The following ZFP64 variants were observed in gnomAD, a reference collection of about 807,000 sequenced individuals.
ZFP64 encodes zinc finger protein 64.
Under a neutral mutation model 51.6 loss-of-function variants are expected in ZFP64, and 14 were observed. The ratio of observed to expected loss-of-function variants is 0.27; its 90% CI spans 0.18 to 0.42. The LOEUF is 0.42. Ranked by LOEUF, ZFP64 falls within the 10% of genes least tolerant of loss-of-function variation. The pLI, the probability that ZFP64 is intolerant of heterozygous loss-of-function variation, is 1.00. For missense variants in ZFP64, 754 were observed against 906.8 expected (o/e 0.83, Z 2.16); for synonymous variants, 375 against 361.4 (o/e 1.04, Z -0.43).
exon 9 of ZFP64, chr20:52,084,673 T>C (rs2078844727): frequency 6.2e-7 from 1 of 1,614,242 alleles, no homozygotes; most frequent in East Asian, 2.2e-5. Flanking sequence ...GAGTTCTTGT[T>C]CTCACTCTGA....
intron 5 of ZFP64, among the ~76,000 whole-genome samples, chr20:52,104,288 G>C (rs1056307803): frequency 3.9e-5 from 6 of 152,184 alleles, no homozygotes; most frequent in African/African-American, 1.2e-4. Context: ...TTTGGCGAGC[G>C]AGAAAAGGTC....
chr20:52,113,717 G>A (rs968061978), intron 5 of ZFP64, among the ~76,000 whole-genome samples: 4 of 151,618 alleles, frequency 2.6e-5, no homozygotes, highest in African/African-American at 9.7e-5. Flanking sequence ...GGGATTATAG[G>A]CACGAGCCAC....
chr20:52,090,548 C>G (rs532524198), intron 7 of ZFP64, among the ~76,000 whole-genome samples: 1 of 152,084 alleles, frequency 6.6e-6, no homozygotes, highest in Non-Finnish European at 1.5e-5. Context: ...CACCTGTAAT[C>G]CCAGCACTTT....
At chr20:52,164,401 C>T (rs1173964300) in intron 4 of ZFP64, among the ~76,000 whole-genome samples, 1 of 152,102 alleles carries the variant, frequency 6.6e-6, no homozygotes, top group Admixed American at 6.5e-5. Context: ...AGAATATGTG[C>T]GTTCAAATTT....
chr20:52,107,829 T>A (rs1050797187), intron 5 of ZFP64, among the ~76,000 whole-genome samples: 1 of 152,258 alleles, frequency 6.6e-6, no homozygotes, highest in Non-Finnish European at 1.5e-5. Context: ...ATGATCTTTC[T>A]AAAAAGTGTC....
At chr20:52,165,396 T>C (rs1212746917) in intron 3 of ZFP64, 1 of 452,674 alleles carries the variant, frequency 2.2e-6, no homozygotes, top group African/African-American at 2.0e-5. Context: ...TACTTGTATA[T>C]ATATTTGTAT....
chr20:52,188,308 CTTTTTTT>C (rs1164512289), intron 1 of ZFP64, among the ~76,000 whole-genome samples: 26 of 104,242 alleles, frequency 2.5e-4, no homozygotes, highest in East Asian at 8.2e-4. Flanking sequence ...CTTTTTCTTT[CTTTTTTT>C]TTTTTTTTTT....
intron 5 of ZFP64, among the ~76,000 whole-genome samples, chr20:52,144,578 C>CAAAAAAAAAAAAAAAAAAAAAAAAA (rs1156545584): frequency 5.6e-4 from 13 of 23,326 alleles, no homozygotes; most frequent in Admixed American, 1.5e-3. Flanking sequence ...GACTCCGTCT[C>CAAAAAAAAAAAAAAAAAAAAAAAAA]AAAAAAAAAA....
intron 7 of ZFP64, chr20:52,097,209 A>G: frequency 1.2e-6 from 1 of 835,098 alleles, no homozygotes; most frequent in Non-Finnish European, 2.1e-6. Flanking sequence ...CTTCATCTTC[A>G]TGTCACAGCC....
chr20:52,103,972 G>A (rs1248593043), intron 5 of ZFP64, among the ~76,000 whole-genome samples: 1 of 152,242 alleles, frequency 6.6e-6, no homozygotes, highest in Non-Finnish European at 1.5e-5. Flanking sequence ...TGCGGAAGCT[G>A]GAGAGCCCGC....
At chr20:52,127,455 T>C (rs6091451) in intron 5 of ZFP64, among the ~76,000 whole-genome samples, 65,834 of 151,932 alleles carry the variant, frequency 0.43, 15,121 homozygotes, top group Admixed American at 0.51. Context: ...GTTCTCATGA[T>C]AGTGAGTTCT....
Position 52,153,324 on chromosome 20 carries a change from C to T in ZFP64, c.868G>A (p.Glu290Lys). The change falls in exon 6 of 6, where the codon GAG (glutamate) becomes AAG (lysine). Residue 290 changes from glutamate to lysine, a missense_variant. Transcript: ENST00000216923. This position sits in a 1 kb window ranked among gnomAD's most constrained non-coding sequence, Gnocchi z 5.1. Reference protein sequence around the residue: ...VHSGEKPFKCEFCNVRCTMKG... With the variant: ...VHSGEKPFKCKFCNVRCTMKG... ...ATGGTGCAGCGGACATTGCAGAACT[C>T]GCACTTGAAAGGCTTCTCCCCCGAG... is the stretch of plus-strand genomic sequence containing the variant. The T allele has an allele frequency of 6.2e-7, 1 of 1,614,184 alleles. No homozygotes were observed. Among genetic ancestry groups the T allele is most frequent in the Non-Finnish European group, 8.5e-7 (1 of 1,180,036 alleles).
At chr20:52,147,166 A>G (rs6021745), downstream of ZFP64, among the ~76,000 whole-genome samples, 54,057 of 152,038 alleles carry the variant, frequency 0.36, 10,401 homozygotes, top group Non-Finnish European at 0.42. Flanking sequence ...AACATTATTC[A>G]GTCAAATTAT....
At chr20:52,112,532 C>G (rs1358256701) in intron 5 of ZFP64, among the ~76,000 whole-genome samples, 2 of 151,924 alleles carry the variant, frequency 1.3e-5, no homozygotes, top group East Asian at 3.9e-4. Flanking sequence ...GAGAAAGATA[C>G]AAAAACAAAG....
rs144282851 is a variant in ZFP64 at position 52,137,625 on chromosome 20, T to C, written c.763+22498A>G. On this transcript the variant is annotated intron_variant, in intron 5 of 8. Transcript: ENST00000361387. ...GAACAATGAATGCAGTAATTTTTGG[T>C]TAAATCTAAATGGAGATGGTCAATT... 4.9e-3 allele frequency among the ~76,000 whole-genome samples: 750 copies of C among 152,174 alleles called. 5 individuals are homozygous for C. The highest frequency in any genetic ancestry group is 0.017 in the African/African-American group (692 of 41,508).
At chr20:52,154,421 G>A (rs372919228) in intron 5 of ZFP64, among the ~76,000 whole-genome samples, 11 of 152,164 alleles carry the variant, frequency 7.2e-5, no homozygotes, top group East Asian at 5.8e-4. Flanking sequence ...TACAAAGAAG[G>A]GCTTGGATTC....
rs373330290 is a variant in ZFP64, at chr20:52,152,123, C to G, written c.*23G>C. On this transcript the variant is annotated 3_prime_UTR_variant, in exon 6 of 6. Coordinates refer to ENST00000216923, the MANE Select transcript of ZFP64 (RefSeq NM_018197.3). Reference sequence around the variant, plus strand: ...TTTCTTTTTCTCAATTCCTTTCCCCCACTCCTTTTGTTTTTTTAAGCACTA... The same window carrying G: ...TTTCTTTTTCTCAATTCCTTTCCCCGACTCCTTTTGTTTTTTTAAGCACTA... The G allele has an allele frequency of 3.2e-6, 5 of 1,580,260 alleles. No individual in the cohort carries two copies. In the African/African-American group the frequency reaches 7.0e-5, roughly 22 times the overall value.
chr20:52,187,610 G>A lies in ZFP64; in HGVS notation c.47-539C>T, dbSNP rs529495729. ...GCACTCCAGCCTGGGGGACAAGAGTGAAACTCTGTCTCAAAAAAAAAATAA... is the reference window on the plus strand; with the variant it reads ...GCACTCCAGCCTGGGGGACAAGAGTAAAACTCTGTCTCAAAAAAAAAATAA... On this transcript the variant is annotated intron_variant, in intron 1 of 5. Transcript: ENST00000216923. Among the ~76,000 whole-genome samples, 10 of 151,506 alleles carry A rather than the reference G, an allele frequency of 6.6e-5. No homozygotes were observed. In the East Asian group the frequency reaches 1.6e-3, roughly 24 times the overall value.
intron 5 of ZFP64, among the ~76,000 whole-genome samples, chr20:52,103,361 A>ACCC (rs1481319419): frequency 2.6e-5 from 4 of 152,100 alleles, no homozygotes; most frequent in Admixed American, 6.6e-5. Context: ...TAAAAAATGT[A>ACCC]CCCCCTTGCC....
Sources: gnomAD v4.1 joint callset for allele counts (sites outside exome capture counted in the v4.1 genomes callset) on GRCh38, gnomAD v4.1.1 for gene constraint, Gnocchi (gnomAD v3.1) non-coding constraint, MANE v1.5 for transcripts, NCBI Gene and HGNC (gene_info 2026-07-23, HGNC 2026-07-21) for gene names.